The following CACNA1E variants were observed in gnomAD, a reference collection of about 807,000 sequenced individuals.
CACNA1E encodes the protein voltage-dependent R-type calcium channel subunit alpha-1E.
Under a neutral mutation model 259.2 loss-of-function variants are expected in CACNA1E, and 40 were observed. The ratio of observed to expected loss-of-function variants is 0.15; its 90% CI spans 0.12 to 0.20. The LOEUF is 0.20. Ranked by LOEUF, CACNA1E falls within the 10% of genes least tolerant of loss-of-function variation. CACNA1E has a pLI of 1.00. For synonymous variants in CACNA1E, 1,104 were observed against 1,138.5 expected (o/e 0.97, Z 0.61); for missense variants, 1,874 against 3,040.1 (o/e 0.62, Z 9.02).
At chr1:181,541,445 GA>G (rs139772065) in intron 3 of CACNA1E, among the ~76,000 whole-genome samples, 79 of 147,050 alleles carry the variant, frequency 5.4e-4, no homozygotes, top group African/African-American at 1.4e-3. Context: ...GGTAGACAAT[GA>G]AAAAAAAAAG....
intron 43 of CACNA1E, among the ~76,000 whole-genome samples, chr1:181,789,569 A>C (rs1305276296): frequency 6.6e-6 from 1 of 151,934 alleles, no homozygotes; most frequent in African/African-American, 2.4e-5. Flanking sequence ...CTGGAAGCTC[A>C]CTCTGCATTC....
At chr1:181,720,879 C>T (rs1435942360) in intron 15 of CACNA1E, 24 bp downstream of exon 15, 1 of 1,493,428 alleles carries the variant, frequency 6.7e-7, no homozygotes, top group Non-Finnish European at 9.3e-7. Context: ...TGACGGTTCA[C>T]AAGTGCTGCA....
chr1:181,617,214 A>C (rs1655299186), intron 6 of CACNA1E, among the ~76,000 whole-genome samples: 1 of 149,930 alleles, frequency 6.7e-6, no homozygotes, highest in Admixed American at 6.6e-5. Flanking sequence ...GAGGGGTTTA[A>C]TATGCTGTTC....
At chr1:181,423,870 T>G (rs938933693) in intron 2 of CACNA1E, among the ~76,000 whole-genome samples, 1 of 152,144 alleles carries the variant, frequency 6.6e-6, no homozygotes, top group Non-Finnish European at 1.5e-5. Flanking sequence ...CTTTGTTGAA[T>G]TATCGGATAT....
At chr1:181,695,912 G>A (rs545874126) in intron 7 of CACNA1E, among the ~76,000 whole-genome samples, 3 of 152,268 alleles carry the variant, frequency 2.0e-5, no homozygotes, top group African/African-American at 4.8e-5. Flanking sequence ...TTGAGATTGC[G>A]CCACTGCACT....
At chr1:181,595,733 G>A (rs1037146771) in intron 6 of CACNA1E, among the ~76,000 whole-genome samples, 12 of 152,150 alleles carry the variant, frequency 7.9e-5, no homozygotes, top group African/African-American at 2.7e-4. Flanking sequence ...CAGGGCTCCT[G>A]GGACTGCAGA....
At chr1:181,666,492 T>C (rs2102169086) in intron 7 of CACNA1E, among the ~76,000 whole-genome samples, 1 of 152,234 alleles carries the variant, frequency 6.6e-6, no homozygotes, top group Admixed American at 6.5e-5. Flanking sequence ...ATGTCTGCTT[T>C]CTCCACTTTA....
At chr1:181,390,765 C>G (rs1269316020) in intron 1 of CACNA1E, among the ~76,000 whole-genome samples, 1 of 152,164 alleles carries the variant, frequency 6.6e-6, no homozygotes, top group African/African-American at 2.4e-5. Flanking sequence ...GTTGGAGATA[C>G]AGTGAGCTAT....
intron 7 of CACNA1E, among the ~76,000 whole-genome samples, chr1:181,679,753 A>G (rs973013315): frequency 1.3e-5 from 2 of 152,152 alleles, no homozygotes; most frequent in Admixed American, 1.3e-4. Flanking sequence ...AACATAGGGC[A>G]GGCAGGCAAC....
chr1:181,634,839 G>T (rs2101964233), intron 6 of CACNA1E, among the ~76,000 whole-genome samples: 1 of 152,266 alleles, frequency 6.6e-6, no homozygotes, highest in African/African-American at 2.4e-5. Context: ...CCTGGCTTCT[G>T]GAGTAACCCA....
At chr1:181,430,830 G>T (rs1659664151) in intron 2 of CACNA1E, among the ~76,000 whole-genome samples, 1 of 152,224 alleles carries the variant, frequency 6.6e-6, no homozygotes, top group Admixed American at 6.5e-5. Context: ...TCCTGGGATA[G>T]TTGGATGTAG....
At chr1:181,526,711 C>T (rs779950038) in intron 3 of CACNA1E, among the ~76,000 whole-genome samples, 12 of 152,164 alleles carry the variant, frequency 7.9e-5, no homozygotes, top group African/African-American at 2.9e-4. Flanking sequence ...TCTGGCATGA[C>T]ATAGTTCTGT....
chr1:181,586,805 G>T (rs1297365605), intron 6 of CACNA1E, among the ~76,000 whole-genome samples: 1 of 152,200 alleles, frequency 6.6e-6, no homozygotes, highest in Non-Finnish European at 1.5e-5. Context: ...GATGGGTCAA[G>T]GAAGGTGAGG....
rs2804688 is a variant in CACNA1E, at chr1:181,437,937, T to G, written c.434+24357T>G. ...AAATCCAGCTGTTCCCTTGACATCT[T>G]AACTCAGGTGTCTAATGAGAGTCTT... On this transcript the variant is annotated intron_variant, in intron 2 of 11. Coordinates refer to the CACNA1E transcript ENST00000524607. Among the ~76,000 whole-genome samples, 438 of 152,324 alleles carry G rather than the reference T, an allele frequency of 2.9e-3. 2 individuals are homozygous for G. The highest frequency in any genetic ancestry group is 0.01 in the African/African-American group (424 of 41,558).
chr1:181,653,082 A>G (rs1172810345), intron 7 of CACNA1E, among the ~76,000 whole-genome samples: 1 of 152,070 alleles, frequency 6.6e-6, no homozygotes, highest in Non-Finnish European at 1.5e-5. Flanking sequence ...CTTTGGTGAG[A>G]CTCACTGTAT....
chr1:181,759,122 G>A (rs1437827004), intron 32 of CACNA1E, among the ~76,000 whole-genome samples: 1 of 152,220 alleles, frequency 6.6e-6, no homozygotes, highest in Non-Finnish European at 1.5e-5. Context: ...GGCCATCATT[G>A]AGTTTCACTA....
At chr1:181,335,333 A>G (rs1651617455) in intron 1 of CACNA1E, among the ~76,000 whole-genome samples, 2 of 152,222 alleles carry the variant, frequency 1.3e-5, no homozygotes, top group South Asian at 2.1e-4. Flanking sequence ...TTGACTGCAC[A>G]TAATGTCCCA....
chr1:181,674,223 C>CAA lies in CACNA1E; in HGVS notation c.1055+22801_1055+22802dup, dbSNP rs58198967. On this transcript the variant is annotated intron_variant, in intron 7 of 47. Transcript: ENST00000367573. Reference sequence around the variant, plus strand: ...TAAAACCCCGTCTCTACTAAAAATACAAAAAAAAAAAAAAAAAAAATTAGC... The same window carrying CAA: ...TAAAACCCCGTCTCTACTAAAAATACAAAAAAAAAAAAAAAAAAAAAATTAGC... 4.2e-3 allele frequency among the ~76,000 whole-genome samples: 371 copies of CAA among 88,406 alleles called. 2 individuals are homozygous for CAA. The highest frequency in any genetic ancestry group is 0.012 in the African/African-American group (310 of 26,650). The allele number at this position is 88,406 out of a possible 152,430, so 58.0% of individuals were successfully genotyped here. A position where few individuals can be genotyped will look rare whatever the true frequency, so the allele number is the denominator to read the frequency against.
At chr1:181,400,476 G>A (rs920888948) in intron 1 of CACNA1E, among the ~76,000 whole-genome samples, 2 of 152,014 alleles carry the variant, frequency 1.3e-5, no homozygotes, top group East Asian at 3.9e-4. Flanking sequence ...CTTGTCTGTG[G>A]GCATTGACAC....
Sources: allele counts gnomAD v4.1 joint callset (sites outside exome capture counted in the v4.1 genomes callset), GRCh38; gene constraint gnomAD v4.1.1; transcripts MANE v1.5; gene names NCBI Gene and HGNC (gene_info 2026-07-23, HGNC 2026-07-21).